DLG1: variants seen among roughly 807,000 people sequenced by gnomAD.
The protein encoded by DLG1 is disks large homolog 1.
A neutral mutation model predicts 123.4 loss-of-function variants in DLG1; 42 were observed. The ratio of observed to expected loss-of-function variants is 0.34; its 90% CI spans 0.27 to 0.44. The LOEUF (loss-of-function observed/expected upper bound fraction) is 0.44, where lower values mean the gene tolerates loss of function less well. DLG1 is among the 20% of genes least tolerant of loss of function. The pLI is 1.00. For synonymous variants in DLG1, 317 were observed against 356.2 expected (o/e 0.89, Z 1.24); for missense variants, 942 against 1,082.6 (o/e 0.87, Z 1.82).
chr3:197,271,924 A>G lies in DLG1; in HGVS notation c.318+10755T>C, dbSNP rs1159188213. Among the ~76,000 whole-genome samples, 3 of 152,242 alleles carry G rather than the reference A, an allele frequency of 2.0e-5. No individual in the cohort carries two copies. In the East Asian group the frequency reaches 5.8e-4, roughly 29 times the overall value. On this transcript the variant is annotated intron_variant, in intron 4 of 24. Coordinates refer to ENST00000667157, the MANE Select transcript of DLG1 (RefSeq NM_001366207.1). ...TAGGTGAAGGCAAAAAACTGTACCC[A>G]GAGGATACGAGCCACCTAAGAATAC... is the stretch of plus-strand genomic sequence containing the variant.
chr3:197,096,095 A>G (rs1262633384), intron 14 of DLG1, among the ~76,000 whole-genome samples: 1 of 152,196 alleles, frequency 6.6e-6, no homozygotes, highest in African/African-American at 2.4e-5. Context: ...CACTAGGCTC[A>G]GGCCCTCTCA....
At chr3:197,130,306 A>G (rs1781850176) in intron 11 of DLG1, among the ~76,000 whole-genome samples, 1 of 152,126 alleles carries the variant, frequency 6.6e-6, no homozygotes, top group Admixed American at 6.5e-5. Context: ...AAATGTAACT[A>G]CTACTATAAA....
intron 3 of DLG1, among the ~76,000 whole-genome samples, chr3:197,288,800 A>C (rs1376683087): frequency 6.6e-6 from 1 of 150,536 alleles, no homozygotes; most frequent in Non-Finnish European, 1.5e-5. Flanking sequence ...ACTGACATGG[A>C]AAGACATTTG....
intron 19 of DLG1, among the ~76,000 whole-genome samples, chr3:197,067,949 A>C (rs912891122): frequency 6.6e-6 from 1 of 152,224 alleles, no homozygotes; most frequent in African/African-American, 2.4e-5. Flanking sequence ...AAGTGGTTCA[A>C]TGAAAGCAAT....
At chr3:197,200,924 C>A (rs892062640) in intron 4 of DLG1, among the ~76,000 whole-genome samples, 1 of 152,114 alleles carries the variant, frequency 6.6e-6, no homozygotes, top group Non-Finnish European at 1.5e-5. Context: ...AGAACTGGAA[C>A]AATACCGGAA....
chr3:197,289,698 C>G (rs961141461), intron 3 of DLG1, among the ~76,000 whole-genome samples: 1 of 152,132 alleles, frequency 6.6e-6, no homozygotes. Flanking sequence ...GATAATACCA[C>G]AATAGTCAAA....
rs1308172687 is a variant in DLG1 at position 197,043,196 on chromosome 3, T to G, written c.*1427A>C. 1 of 152,182 alleles carries G rather than the reference T, an allele frequency of 6.6e-6. No individual in the cohort carries two copies. Among genetic ancestry groups the G allele is most frequent in the Non-Finnish European group, 1.5e-5 (1 of 68,030 alleles). 9.4% of individuals were successfully genotyped at this position (152,182 alleles called of 1,614,324 possible). On this transcript the variant is annotated 3_prime_UTR_variant, in exon 25 of 25. Transcript: ENST00000667157. Reference sequence around the variant, plus strand: ...ACCATGAAGATTTGTGCAATTCTAGTGCAGAGCAGTGGATGAAAGCTGTCT... The same window carrying G: ...ACCATGAAGATTTGTGCAATTCTAGGGCAGAGCAGTGGATGAAAGCTGTCT...
At chr3:197,115,451 T>C (rs1772706456) in intron 13 of DLG1, among the ~76,000 whole-genome samples, 1 of 151,812 alleles carries the variant, frequency 6.6e-6, no homozygotes, top group South Asian at 2.1e-4. Flanking sequence ...AAGATGTTCA[T>C]TACATAATAA....
At chr3:197,135,985 T>C (rs1185793163) in intron 10 of DLG1, among the ~76,000 whole-genome samples, 1 of 152,006 alleles carries the variant, frequency 6.6e-6, no homozygotes, top group Non-Finnish European at 1.5e-5. Context: ...TTAATTTCTG[T>C]ATTTTTTGTA....
At chr3:197,164,134 G>C (rs987390543) in intron 5 of DLG1, among the ~76,000 whole-genome samples, 1 of 151,814 alleles carries the variant, frequency 6.6e-6, no homozygotes, top group African/African-American at 2.4e-5. Flanking sequence ...GTTCACACCT[G>C]TAATCTCAGC....
chr3:197,059,184 CAAAGTGG>C (rs1328937492), intron 23 of DLG1, among the ~76,000 whole-genome samples: 4 of 152,152 alleles, frequency 2.6e-5, no homozygotes, highest in Non-Finnish European at 5.9e-5. Flanking sequence ...CTCAGCCTCC[CAAAGTGG>C]TGGGATTACA....
In DLG1 at chr3:197,060,072, C is replaced by T; in HGVS notation, c.2374-74G>A. The T allele has an allele frequency of 7.0e-6, 7 of 1,006,534 alleles. No homozygotes were observed. In the South Asian group the frequency reaches 7.2e-5, roughly 10 times the overall value. The allele number at this position is 1,006,534 out of a possible 1,614,324, so 62.4% of individuals were successfully genotyped here. The stretch of plus-strand genomic sequence containing the variant: ...AATAATATCAAAGGTACTTTTCCTA[C>T]AGGTCCACAGTCTAAATCATGATCT... On this transcript the variant is annotated intron_variant, in intron 22 of 24. Transcript: ENST00000667157.
At chr3:197,159,192 CA>C (rs1197789139) in intron 5 of DLG1, among the ~76,000 whole-genome samples, 2 of 152,120 alleles carry the variant, frequency 1.3e-5, no homozygotes, top group African/African-American at 2.4e-5. Flanking sequence ...ATTAAGCAGC[CA>C]TTAAATATTA....
chr3:197,149,675 G>A (rs541663256), intron 6 of DLG1, 68 bp downstream of exon 6: 27 of 956,084 alleles, frequency 2.8e-5, no homozygotes, highest in South Asian at 2.3e-4. Flanking sequence ...CATGGTCTTC[G>A]CATTTGTATC....
intron 5 of DLG1, among the ~76,000 whole-genome samples, chr3:197,192,603 G>A (rs1720210481): frequency 6.6e-6 from 1 of 151,994 alleles, no homozygotes; most frequent in African/African-American, 2.4e-5. Context: ...TTCCCCAAGG[G>A]AGGATCAGAT....
At chr3:197,214,103 A>T (rs571889342) in intron 4 of DLG1, among the ~76,000 whole-genome samples, 60 of 152,344 alleles carry the variant, frequency 3.9e-4, no homozygotes, top group Non-Finnish European at 7.9e-4. Context: ...ATTTTAAATC[A>T]GTAGGGGAAT....
intron 4 of DLG1, among the ~76,000 whole-genome samples, chr3:197,277,610 G>C (rs1293594462): frequency 6.6e-6 from 1 of 151,956 alleles, no homozygotes; most frequent in East Asian, 1.9e-4. Flanking sequence ...AAAAGTGCTA[G>C]GATTACAGGT....
At chr3:197,130,029 C>T (rs1781707553) in intron 11 of DLG1, among the ~76,000 whole-genome samples, 1 of 152,082 alleles carries the variant, frequency 6.6e-6, no homozygotes. Flanking sequence ...GAAGTGAGAA[C>T]ATGTTGCTGA....
intron 17 of DLG1, chr3:197,078,348 TAA>T (rs1291083750): frequency 1.3e-5 from 2 of 151,446 alleles, no homozygotes; most frequent in African/African-American, 2.4e-5. Flanking sequence ...TGAAGTAGAT[TAA>T]AGTGACTTTT....
Sources: gnomAD v4.1 joint callset for allele counts (sites outside exome capture counted in the v4.1 genomes callset) on GRCh38, gnomAD v4.1.1 for gene constraint, MANE v1.5 for transcripts, NCBI Gene and HGNC (gene_info 2026-07-23, HGNC 2026-07-21) for gene names.